FER: variants seen among roughly 807,000 people sequenced by gnomAD.
The protein encoded by FER is tyrosine-protein kinase Fer.
FER carries 63 observed loss-of-function variants against 111.0 expected under a neutral mutation model. The ratio of observed to expected loss-of-function variants is 0.57; its 90% CI spans 0.46 to 0.70. The LOEUF is 0.70. Among genes scored for constraint, FER ranks in the 30% least tolerant of loss-of-function variants. FER has a pLI of 0.00. For missense variants in FER, 914 were observed against 954.0 expected (o/e 0.96, Z 0.55); for synonymous variants, 327 against 313.9 (o/e 1.04, Z -0.44).
chr5:109,184,832 T>G (rs1335938011), intron 18 of FER, among the ~76,000 whole-genome samples: 1 of 152,242 alleles, frequency 6.6e-6, no homozygotes, highest in Admixed American at 6.5e-5. Context: ...AGGCATACTC[T>G]GGTTTTCACT....
Position 109,111,936 on chromosome 5 carries a change from G to C in FER, c.2048+11417G>C, listed in dbSNP as rs140433666. ...CATAAAATAACTTAGAATGGTTACTGTTTGTGGTCTGGTGTGCCTATTTTT... is the reference window on the plus strand; with the variant it reads ...CATAAAATAACTTAGAATGGTTACTCTTTGTGGTCTGGTGTGCCTATTTTT... On this transcript the variant is annotated intron_variant, in intron 17 of 19. Coordinates refer to ENST00000281092, the MANE Select transcript of FER (RefSeq NM_005246.4). 7.8e-3 allele frequency among the ~76,000 whole-genome samples: 1,189 copies of C among 152,220 alleles called. 12 individuals are homozygous for C. Among genetic ancestry groups the C allele is most frequent in the African/African-American group, 0.028 (1,154 of 41,544 alleles).
In FER at chr5:109,195,370, G is replaced by A. The variant is rs183950306; in HGVS notation, c.*7795G>A. The A allele has an allele frequency of 4.8e-4, 73 of 152,212 alleles. 1 individual carries two copies. The highest frequency in any genetic ancestry group is 1.7e-3 in the African/African-American group (71 of 41,528). 9.4% of individuals were successfully genotyped at this position (152,212 alleles called of 1,614,324 possible). A position where few individuals can be genotyped will look rare whatever the true frequency, so the allele number is the denominator to read the frequency against. On this transcript the variant is annotated 3_prime_UTR_variant, in exon 20 of 20. Coordinates refer to ENST00000281092, the MANE Select transcript of FER (RefSeq NM_005246.4). ...AATAACTTGTCATAATTCCACCTTA[G>A]ATTCTAGACCTCTCATACCTGCAGT...
At chr5:108,830,067 T>A (rs1173450426) in intron 3 of FER, among the ~76,000 whole-genome samples, 1 of 152,172 alleles carries the variant, frequency 6.6e-6, no homozygotes, top group Non-Finnish European at 1.5e-5. Flanking sequence ...AAGAACAATA[T>A]TTCTAGCATT....
chr5:108,810,591 G>A (rs1757657339), intron 3 of FER, among the ~76,000 whole-genome samples: 1 of 152,198 alleles, frequency 6.6e-6, no homozygotes, highest in South Asian at 2.1e-4. Flanking sequence ...TCCTAATCCA[G>A]GAGAGTGGGT....
intron 16 of FER, among the ~76,000 whole-genome samples, chr5:109,086,909 G>A (rs1185345847): frequency 6.7e-6 from 1 of 149,928 alleles, no homozygotes; most frequent in African/African-American, 2.5e-5. Context: ...CTTAGCTTGT[G>A]TATGGTCATC....
At chr5:108,906,506 A>G (rs1750793532) in intron 10 of FER, among the ~76,000 whole-genome samples, 1 of 149,690 alleles carries the variant, frequency 6.7e-6, no homozygotes, top group Non-Finnish European at 1.5e-5. Context: ...TACCTTTATA[A>G]TAGCCCTTTT....
chr5:109,025,540 T>C (rs1403773832), intron 13 of FER, among the ~76,000 whole-genome samples: 2 of 151,920 alleles, frequency 1.3e-5, no homozygotes, highest in Admixed American at 1.3e-4. Context: ...TGGGGTTTTC[T>C]AGATATACAA....
At chr5:108,879,277 C>A (rs1018785054) in intron 8 of FER, among the ~76,000 whole-genome samples, 2 of 151,982 alleles carry the variant, frequency 1.3e-5, no homozygotes, top group African/African-American at 4.8e-5. Context: ...GATACATGTG[C>A]AGTACATGCA....
chr5:108,874,842 T>C (rs1764929992), intron 8 of FER, among the ~76,000 whole-genome samples: 1 of 152,144 alleles, frequency 6.6e-6, no homozygotes. Flanking sequence ...AGAAATAGGC[T>C]ATTTAACTTA....
chr5:109,016,958 G>A (rs1316791834), intron 13 of FER, among the ~76,000 whole-genome samples: 2 of 151,956 alleles, frequency 1.3e-5, no homozygotes, highest in Non-Finnish European at 1.5e-5. Context: ...CCTAGGAAAG[G>A]CCATGTGAGG....
chr5:109,052,098 A>G lies in FER; in HGVS notation c.1924+4900A>G, dbSNP rs1240319869. Reference sequence around the variant, plus strand: ...GCTTCAAGTGCATCTCCACATTGACACCATCAGTTTGGGCAACCTTGAGTT... The same window carrying G: ...GCTTCAAGTGCATCTCCACATTGACGCCATCAGTTTGGGCAACCTTGAGTT... On this transcript the variant is annotated intron_variant, in intron 16 of 19. Coordinates refer to ENST00000281092, the MANE Select transcript of FER (RefSeq NM_005246.4). 2.5e-6 allele frequency: 4 copies of G among 1,603,554 alleles called. No individual in the cohort carries two copies. The African/African-American group carries it at 5.4e-5, about 21-fold the overall frequency.
intron 3 of FER, among the ~76,000 whole-genome samples, chr5:108,809,652 T>A (rs1757547353): frequency 6.6e-6 from 1 of 152,206 alleles, no homozygotes; most frequent in African/African-American, 2.4e-5. Flanking sequence ...AGCCTTGATC[T>A]TCTGGGCTTA....
intron 13 of FER, among the ~76,000 whole-genome samples, chr5:108,962,911 G>C (rs1177908091): frequency 6.6e-6 from 1 of 152,144 alleles, no homozygotes; most frequent in Non-Finnish European, 1.5e-5. Context: ...CCAGATTGTA[G>C]AGTCTAAGTT....
At chr5:109,149,795 A>G (rs1754620825) in intron 17 of FER, among the ~76,000 whole-genome samples, 1 of 152,172 alleles carries the variant, frequency 6.6e-6, no homozygotes, top group Non-Finnish European at 1.5e-5. Context: ...TGAATTGAAA[A>G]AGTTCCGTTA....
At chr5:108,771,837 C>T (rs1752931821) in intron 2 of FER, among the ~76,000 whole-genome samples, 1 of 152,130 alleles carries the variant, frequency 6.6e-6, no homozygotes, top group Non-Finnish European at 1.5e-5. Flanking sequence ...TAATTTCCTA[C>T]ATAATCACAG....
At chr5:109,151,084 G>A (rs986742973) in intron 17 of FER, among the ~76,000 whole-genome samples, 1 of 152,076 alleles carries the variant, frequency 6.6e-6, no homozygotes, top group African/African-American at 2.4e-5. Flanking sequence ...TGGCTTTGCT[G>A]AACAGAAAAT....
chr5:109,052,855 A>G (rs568813685), intron 16 of FER, among the ~76,000 whole-genome samples: 1 of 152,276 alleles, frequency 6.6e-6, no homozygotes, highest in East Asian at 1.9e-4. Flanking sequence ...AAATTTTCCT[A>G]AAGGCTGTTT....
intron 17 of FER, among the ~76,000 whole-genome samples, chr5:109,142,078 A>C (rs1363416892): frequency 6.6e-6 from 1 of 152,038 alleles, no homozygotes; most frequent in Non-Finnish European, 1.5e-5. Context: ...AACTCCCTTC[A>C]CATAGTAACT....
intron 5 of FER, among the ~76,000 whole-genome samples, chr5:108,863,373 G>C (rs574119380): frequency 2.0e-5 from 3 of 152,082 alleles, no homozygotes; most frequent in African/African-American, 7.2e-5. Flanking sequence ...CGCCCGCCTC[G>C]GCCTCTGAAA....
Sources: gnomAD v4.1 joint callset for allele counts (sites outside exome capture counted in the v4.1 genomes callset) on GRCh38, gnomAD v4.1.1 for gene constraint, MANE v1.5 for transcripts, NCBI Gene and HGNC (gene_info 2026-07-23, HGNC 2026-07-21) for gene names.